CACNA2D2: variants seen among roughly 807,000 people sequenced by gnomAD.
CACNA2D2 encodes voltage-dependent calcium channel subunit alpha-2/delta-2.
A neutral mutation model predicts 166.4 loss-of-function variants in CACNA2D2; 48 were observed. That is an observed-to-expected ratio of 0.29 (90% CI 0.23 to 0.37). CACNA2D2 has a LOEUF of 0.37. CACNA2D2 is among the 10% of genes least tolerant of loss of function. The pLI is 1.00. For missense variants in CACNA2D2, 1,122 were observed against 1,433.0 expected (o/e 0.78, Z 3.50); for synonymous variants, 561 against 573.7 (o/e 0.98, Z 0.32).
rs1404690915 is a variant in CACNA2D2 at position 50,365,754 on chromosome 3, C to G, written c.2915+56G>C. 3.1e-6 allele frequency: 5 copies of G among 1,610,254 alleles called. No homozygotes were observed. The highest frequency in any genetic ancestry group is 4.2e-6 in the Non-Finnish European group (5 of 1,178,552). On this transcript the variant is annotated intron_variant, in intron 33 of 37. Transcript: ENST00000424201. This position sits in a 1 kb window ranked among gnomAD's most constrained non-coding sequence, Gnocchi z 4.5. ...GACGATGCCATGCCCTACTTCTCTT[C>G]TGAGCCCTCCCGGCCAGGGAGCACC... is the stretch of plus-strand genomic sequence containing the variant.
At chr3:50,459,611 C>T (rs1245494400) in intron 2 of CACNA2D2, among the ~76,000 whole-genome samples, 1 of 152,196 alleles carries the variant, frequency 6.6e-6, no homozygotes, top group Non-Finnish European at 1.5e-5. Flanking sequence ...CTGAGGCCTC[C>T]AGCACCTGGA....
chr3:50,430,508 G>A (rs578173708), intron 3 of CACNA2D2, among the ~76,000 whole-genome samples: 10 of 152,352 alleles, frequency 6.6e-5, no homozygotes, highest in African/African-American at 2.4e-4. Flanking sequence ...GAGAAACTAA[G>A]GCCTGGGACA....
Position 50,439,640 on chromosome 3 carries a change from G to A in CACNA2D2, c.289-5211C>T, listed in dbSNP as rs75880308. ...CCTGCAGGGAGGGCAGCCAGTGGATGAGAGACTGTGGGCGAGGCCTCCTGA... is the reference window on the plus strand; with the variant it reads ...CCTGCAGGGAGGGCAGCCAGTGGATAAGAGACTGTGGGCGAGGCCTCCTGA... On this transcript the variant is annotated intron_variant, in intron 2 of 37. Coordinates refer to ENST00000424201, the MANE Select transcript of CACNA2D2 (RefSeq NM_006030.4). 6.9e-3 allele frequency among the ~76,000 whole-genome samples: 1,055 copies of A among 152,360 alleles called. 6 individuals are homozygous for A. The highest frequency in any genetic ancestry group is 0.024 in the African/African-American group (986 of 41,582).
chr3:50,463,342 C>T (rs1167207487), intron 2 of CACNA2D2, among the ~76,000 whole-genome samples: 1 of 151,762 alleles, frequency 6.6e-6, no homozygotes, highest in African/African-American at 2.4e-5. Flanking sequence ...CATTCTGTCA[C>T]TCAGACTGGC....
At chr3:50,455,997 G>T (rs2106980384) in intron 2 of CACNA2D2, among the ~76,000 whole-genome samples, 1 of 152,240 alleles carries the variant, frequency 6.6e-6, no homozygotes, top group South Asian at 2.1e-4. Context: ...AGCCTCTGAG[G>T]AGGGCAGCTA....
At chr3:50,402,833 C>T (rs1706509019) in intron 3 of CACNA2D2, among the ~76,000 whole-genome samples, 1 of 152,252 alleles carries the variant, frequency 6.6e-6, no homozygotes, top group Non-Finnish European at 1.5e-5. Context: ...ATCAACATTT[C>T]TCTCATCCTT....
At chr3:50,463,632 G>A (rs1709688733) in intron 2 of CACNA2D2, among the ~76,000 whole-genome samples, 1 of 152,272 alleles carries the variant, frequency 6.6e-6, no homozygotes, top group South Asian at 2.1e-4. Context: ...AGGAGTTAGA[G>A]GAGGGCTGTC....
intron 3 of CACNA2D2, among the ~76,000 whole-genome samples, chr3:50,418,081 G>C (rs1282736125): frequency 6.6e-6 from 1 of 152,136 alleles, no homozygotes; most frequent in Non-Finnish European, 1.5e-5. Context: ...AGGCAGGACT[G>C]TACTTGTGCT....
chr3:50,383,617 G>C (rs898323640), intron 6 of CACNA2D2, among the ~76,000 whole-genome samples: 1 of 152,158 alleles, frequency 6.6e-6, no homozygotes, highest in African/African-American at 2.4e-5. Context: ...AGCTTGGACT[G>C]TCAACCACCC....
chr3:50,365,870 G>C lies in CACNA2D2; in HGVS notation c.2863-8C>G. 6.2e-7 allele frequency: 1 copy of C among 1,613,056 alleles called. No individual in the cohort carries two copies. The highest frequency in any genetic ancestry group is 8.5e-7 in the Non-Finnish European group (1 of 1,179,990). ...GAAATCTGCAACGGTGGGCTGCAGT[G>C]GAGAGAGGGGCGTGGACTGCCACTG... On this transcript the variant is annotated splice_polypyrimidine_tract_variant and splice_region_variant and intron_variant, in intron 32 of 37. Coordinates refer to ENST00000424201, the MANE Select transcript of CACNA2D2 (RefSeq NM_006030.4). The surrounding 1 kb of genome is among the most constrained non-coding windows in gnomAD (Gnocchi z 4.5).
At chr3:50,408,930 C>A (rs72936978) in intron 3 of CACNA2D2, among the ~76,000 whole-genome samples, 3,887 of 152,314 alleles carry the variant, frequency 0.026, 175 homozygotes, top group African/African-American at 0.089. Flanking sequence ...TTCATTCAGG[C>A]TGCAGTCTCT....
intron 2 of CACNA2D2, among the ~76,000 whole-genome samples, chr3:50,468,626 C>T (rs113044297): frequency 0.031 from 4,683 of 152,078 alleles, 114 homozygotes; most frequent in Non-Finnish European, 0.046. Context: ...CTTCCTTAAA[C>T]TGAGGGACAG....
At chr3:50,412,863 TGGTC>T (rs765662657) in intron 3 of CACNA2D2, among the ~76,000 whole-genome samples, 29 of 152,206 alleles carry the variant, frequency 1.9e-4, no homozygotes, top group Non-Finnish European at 4.0e-4. Context: ...CAGGGACTCA[TGGTC>T]AGAGATGTCT....
At chr3:50,416,486 G>A (rs1057001191) in intron 3 of CACNA2D2, among the ~76,000 whole-genome samples, 3 of 152,200 alleles carry the variant, frequency 2.0e-5, no homozygotes, top group Admixed American at 1.3e-4. Flanking sequence ...GCTCCACGGC[G>A]GGGTGACCCC....
chr3:50,417,115 C>T (rs1559928040), intron 3 of CACNA2D2, among the ~76,000 whole-genome samples: 1 of 152,186 alleles, frequency 6.6e-6, no homozygotes, highest in African/African-American at 2.4e-5. Context: ...TGAGATGAGA[C>T]TGTTGGTGCA....
chr3:50,454,253 G>A (rs1384195635), intron 2 of CACNA2D2, among the ~76,000 whole-genome samples: 4 of 152,218 alleles, frequency 2.6e-5, no homozygotes, highest in African/African-American at 7.2e-5. Context: ...GGAGGCCTCA[G>A]GAAAAGAAGG....
In CACNA2D2 at chr3:50,366,694, TC is replaced by T. The variant is rs1704315966; in HGVS notation, c.2590-70del. ...CCTCCCTCCCATCACCTTTCATACA[TC>T]CGGTTCCCCAGGCCATCTGCAGCTG... is the stretch of plus-strand genomic sequence containing the variant. On this transcript the variant is annotated intron_variant, in intron 29 of 37. Transcript: ENST00000424201. The surrounding 1 kb of genome is among the most constrained non-coding windows in gnomAD (Gnocchi z 5.9). 6.3e-7 allele frequency: 1 copy of T among 1,596,052 alleles called. No homozygotes were observed. Among genetic ancestry groups the T allele is most frequent in the South Asian group, 1.1e-5 (1 of 90,536 alleles).
At chr3:50,418,840 T>C (rs1707406070) in intron 3 of CACNA2D2, among the ~76,000 whole-genome samples, 1 of 152,216 alleles carries the variant, frequency 6.6e-6, no homozygotes, top group African/African-American at 2.4e-5. Flanking sequence ...AGCTGGGGCA[T>C]GGCTGGGATT....
chr3:50,468,890 G>C (rs1457292997), intron 2 of CACNA2D2, among the ~76,000 whole-genome samples: 3 of 149,950 alleles, frequency 2.0e-5, no homozygotes, highest in Non-Finnish European at 4.4e-5. Flanking sequence ...GTGCAGTGGA[G>C]CGATCTCGGC....
Sources: allele counts gnomAD v4.1 joint callset (sites outside exome capture counted in the v4.1 genomes callset), GRCh38; gene constraint gnomAD v4.1.1; non-coding constraint Gnocchi (gnomAD v3.1); transcripts MANE v1.5; gene names NCBI Gene and HGNC (gene_info 2026-07-23, HGNC 2026-07-21).